Variants in C2CD5 observed in about 807,000 individuals in gnomAD.
C2CD5 encodes the protein C2 domain-containing protein 5.
A neutral mutation model predicts 130.3 loss-of-function variants in C2CD5; 109 were observed. The observed-to-expected ratio is 0.84, with a 90% confidence interval of 0.72 to 0.98. The LOEUF (loss-of-function observed/expected upper bound fraction) is 0.98. Among genes scored for constraint, C2CD5 ranks in the 50% least tolerant of loss-of-function variants. The pLI is 0.00. For missense variants in C2CD5, 996 were observed against 1,261.8 expected (o/e 0.79, Z 3.19); for synonymous variants, 454 against 429.2 (o/e 1.06, Z -0.71).
Position 22,506,769 on chromosome 12 carries a change from G to A in C2CD5, c.1089C>T (p.His363=), listed in dbSNP as rs140522873. The A allele has an allele frequency of 8.6e-5, 139 of 1,612,476 alleles. 1 individual carries two copies. The African/African-American group carries it at 1.6e-3, about 18-fold the overall frequency. Residue 363 remains histidine, a synonymous_variant, in exon 10 of 27, where the codon CAC becomes CAT. Transcript: ENST00000446597. ...LTAFPPGFLV[H]VGGVVSARSV... ...AACGTGCACTAACTACACCCCCAAC[G>A]TGTACAAGGAATCCAGGAGGAAATG...
intron 14 of C2CD5, 29 bp from the exon 15 acceptor site, chr12:22,478,506 G>A (rs1422356921): frequency 6.3e-7 from 1 of 1,583,780 alleles, no homozygotes; most frequent in South Asian, 1.1e-5. Flanking sequence ...GAAATAATCA[G>A]AAAAAATATC....
At chr12:22,505,750 C>T (rs1165822385) in intron 10 of C2CD5, among the ~76,000 whole-genome samples, 5 of 152,128 alleles carry the variant, frequency 3.3e-5, no homozygotes, top group Admixed American at 6.5e-5. Flanking sequence ...GATGCCTACT[C>T]GCTTTTATAA....
chr12:22,515,205 G>T, intron 8 of C2CD5: 1 of 835,332 alleles, frequency 1.2e-6, no homozygotes, highest in Non-Finnish European at 1.4e-6. Flanking sequence ...ATCAGAAAAT[G>T]CAGGCTAAGG....
chr12:22,490,797 C>G (rs764435607), intron 11 of C2CD5, among the ~76,000 whole-genome samples: 3 of 151,880 alleles, frequency 2.0e-5, no homozygotes, highest in African/African-American at 7.3e-5. Context: ...ATATGTCACC[C>G]AATTTGAAAG....
chr12:22,488,642 G>C (rs572482010), intron 12 of C2CD5, among the ~76,000 whole-genome samples: 63 of 152,096 alleles, frequency 4.1e-4, no homozygotes, highest in Non-Finnish European at 8.8e-5. Context: ...CACTGACAAA[G>C]AGAGTTTCCT....
At chr12:22,491,670 G>A (rs553477738) in intron 11 of C2CD5, among the ~76,000 whole-genome samples, 2 of 152,052 alleles carry the variant, frequency 1.3e-5, no homozygotes, top group South Asian at 4.2e-4. Context: ...TCAGGAGTTC[G>A]AGATCAGCCT....
At chr12:22,511,056 T>C (rs1949132562) in intron 9 of C2CD5, among the ~76,000 whole-genome samples, 1 of 151,870 alleles carries the variant, frequency 6.6e-6, no homozygotes, top group Admixed American at 6.6e-5. Flanking sequence ...CTATTTCTCA[T>C]CTCCCGAAAA....
At chr12:22,515,858 A>G (rs945153314) in intron 8 of C2CD5, among the ~76,000 whole-genome samples, 5 of 152,034 alleles carry the variant, frequency 3.3e-5, no homozygotes, top group African/African-American at 1.2e-4. Flanking sequence ...GCTAAAAAAA[A>G]TTAGCTAAAA....
chr12:22,516,001 A>G (rs978572815), intron 8 of C2CD5, among the ~76,000 whole-genome samples: 1 of 151,928 alleles, frequency 6.6e-6, no homozygotes, highest in African/African-American at 2.4e-5. Flanking sequence ...AAAATTTTTT[A>G]AAAGAGACCT....
intron 9 of C2CD5, among the ~76,000 whole-genome samples, chr12:22,509,574 T>C (rs1306336234): frequency 6.6e-6 from 1 of 152,214 alleles, no homozygotes; most frequent in Non-Finnish European, 1.5e-5. Context: ...GTCATTGTTA[T>C]TTAACCAAAA....
At chr12:22,518,996 A>C (rs1387404693) in intron 7 of C2CD5, 2 of 830,322 alleles carry the variant, frequency 2.4e-6, no homozygotes, top group Non-Finnish European at 3.6e-6. Flanking sequence ...GACTTCGAGT[A>C]AGAAAAGGAT....
chr12:22,494,113 A>C (rs562294696), intron 10 of C2CD5, among the ~76,000 whole-genome samples: 1 of 152,034 alleles, frequency 6.6e-6, no homozygotes, highest in African/African-American at 2.4e-5. Flanking sequence ...CATATTTCCT[A>C]ATCACTTGCA....
chr12:22,518,030 T>G lies in C2CD5; in HGVS notation c.908A>C (p.Gln303Pro). The G allele has an allele frequency of 6.2e-7, 1 of 1,614,032 alleles. No individual in the cohort carries two copies. The highest frequency in any genetic ancestry group is 2.2e-5 in the East Asian group (1 of 44,870). ...SFSPSKSYSRQSSSSDTDLSL... is the reference protein window; with the variant it reads ...SFSPSKSYSRPSSSSDTDLSL... The stretch of plus-strand genomic sequence containing the variant: ...CAAATCTGTGTCAGAAGAAGAGGAC[T>G]GTCGACTGTAGGACTTGGAAGGTGA... Residue 303 changes from glutamine to proline, a missense_variant, in exon 8 of 27, where the codon CAG becomes CCG. By Grantham distance (76) the Gln-to-Pro change is moderately conservative. This residue lies in a region of C2CD5 where 156 missense variants were observed against 165.9 expected (regional missense o/e 0.94). Transcript: ENST00000446597.
Position 22,530,111 on chromosome 12 carries a change from T to TATATAC in C2CD5, c.178-2220_178-2219insGTATAT, listed in dbSNP as rs1301636778. Among the ~76,000 whole-genome samples the TATATAC allele has an allele frequency of 1.8e-3, 159 of 87,524 alleles. 4 individuals carry two copies. Among genetic ancestry groups the TATATAC allele is most frequent in the African/African-American group, 2.6e-3 (41 of 15,800 alleles). 57.4% of individuals were successfully genotyped at this position (87,524 alleles called of 152,430 possible). A position where few individuals can be genotyped will look rare whatever the true frequency, so the allele number is the denominator to read the frequency against. ...ATATATATATATATATATATATATA[T>TATATAC]ACACACACACACACACACACACACA... is the stretch of plus-strand genomic sequence containing the variant. On this transcript the variant is annotated intron_variant, in intron 3 of 26. Transcript: ENST00000446597.
intron 16 of C2CD5, among the ~76,000 whole-genome samples, chr12:22,474,237 G>C (rs1031056498): frequency 6.6e-6 from 1 of 152,130 alleles, no homozygotes; most frequent in African/African-American, 2.4e-5. Flanking sequence ...CTGTGAGGAA[G>C]GAGTCTCCAT....
rs938801282 is a variant in C2CD5, at chr12:22,470,902, T to G, written c.2368A>C (p.Thr790Pro). The G allele has an allele frequency of 6.2e-7, 1 of 1,609,228 alleles. No individual in the cohort carries two copies. Among genetic ancestry groups the G allele is most frequent in the Non-Finnish European group, 8.5e-7 (1 of 1,176,210 alleles). The change falls in exon 21 of 27, where the codon ACG becomes CCG. Residue 790 changes from threonine (T) to proline (P), a missense_variant. By Grantham distance (38) the Thr-to-Pro change is conservative (BLOSUM62 -1). Around this residue, in one of 9 missense-constraint regions of C2CD5, gnomAD observed 590 missense variants for 631.4 expected, o/e 0.93. Transcript: ENST00000446597. ...PEDELIQVTV[T>P]AVAITFDKNQ... ...TTGTCAAAAGTGATTGCGACTGCCG[T>G]GACTGTAACCTAGAATTATAAAAAC...
At chr12:22,524,706 G>A in intron 5 of C2CD5, 79 bp from the exon 6 acceptor site, 1 of 1,008,762 alleles carries the variant, frequency 9.9e-7, no homozygotes, top group Non-Finnish European at 1.5e-6. Flanking sequence ...TCAATTTTCT[G>A]ACCTTTAGAT....
intron 5 of C2CD5, 100 bp downstream of exon 5, chr12:22,525,510 G>T: frequency 1.3e-6 from 1 of 750,302 alleles, no homozygotes. Flanking sequence ...TTAAAACCAA[G>T]TACAATAGCT....
At chr12:22,468,914 T>C (rs1019036785) in intron 22 of C2CD5, among the ~76,000 whole-genome samples, 2 of 152,202 alleles carry the variant, frequency 1.3e-5, no homozygotes, top group African/African-American at 2.4e-5. Context: ...ATATCCATTG[T>C]ATTATAAGAC....
Sources: gnomAD v4.1 joint callset for allele counts (sites outside exome capture counted in the v4.1 genomes callset) on GRCh38, gnomAD v4.1.1 for gene constraint, gnomAD v4.1.1 regional missense constraint, MANE v1.5 for transcripts, NCBI Gene and HGNC (gene_info 2026-07-23, HGNC 2026-07-21) for gene names.